Variants in EXOC6B observed in about 807,000 individuals in gnomAD.
EXOC6B encodes SEC15 homolog B.
A neutral mutation model predicts 113.5 loss-of-function variants in EXOC6B; 54 were observed. The ratio of observed to expected loss-of-function variants is 0.48; its 90% confidence interval spans 0.38 to 0.60. The LOEUF (loss-of-function observed/expected upper bound fraction) is 0.60, where lower values mean the gene tolerates loss of function less well. Ranked by LOEUF, EXOC6B falls within the 20% of genes least tolerant of loss-of-function variation. The pLI is 0.00. For missense variants in EXOC6B, 797 were observed against 977.5 expected (o/e 0.82, Z 2.46); for synonymous variants, 357 against 339.0 (o/e 1.05, Z -0.58).
At chr2:72,545,145 C>T (rs1702823450) in intron 8 of EXOC6B, among the ~76,000 whole-genome samples, 1 of 151,938 alleles carries the variant, frequency 6.6e-6, no homozygotes, top group African/African-American at 2.4e-5. Flanking sequence ...AAATACTAGG[C>T]TATGGGAAGC....
chr2:72,401,548 T>C (rs1452753997), intron 18 of EXOC6B, among the ~76,000 whole-genome samples: 4 of 15,334 alleles, frequency 2.6e-4, no homozygotes, highest in African/African-American at 1.4e-3. Flanking sequence ...TATATATGTG[T>C]ATATATATAT....
chr2:72,718,850 A>G (rs1168933852), intron 5 of EXOC6B, among the ~76,000 whole-genome samples: 1 of 152,230 alleles, frequency 6.6e-6, no homozygotes, highest in Non-Finnish European at 1.5e-5. Flanking sequence ...AATCTTAAAA[A>G]AAGAGAAATA....
intron 18 of EXOC6B, among the ~76,000 whole-genome samples, chr2:72,403,545 A>C (rs1693490558): frequency 6.6e-6 from 1 of 152,038 alleles, no homozygotes. Flanking sequence ...TAAAAAATAA[A>C]AAATAACCCA....
intron 1 of EXOC6B, among the ~76,000 whole-genome samples, chr2:72,782,452 C>T (rs573317001): frequency 6.6e-6 from 1 of 152,006 alleles, no homozygotes; most frequent in Non-Finnish European, 1.5e-5. Flanking sequence ...TTTTGTTACA[C>T]GTATAGACTG....
At chr2:72,409,184 T>A (rs1693994303) in intron 18 of EXOC6B, among the ~76,000 whole-genome samples, 2 of 152,156 alleles carry the variant, frequency 1.3e-5, no homozygotes, top group Non-Finnish European at 2.9e-5. Flanking sequence ...CTCACACCAG[T>A]TAGAATGGCG....
intron 18 of EXOC6B, among the ~76,000 whole-genome samples, chr2:72,430,271 T>C (rs1233882878): frequency 2.6e-5 from 4 of 152,212 alleles, no homozygotes; most frequent in East Asian, 1.9e-4. Context: ...ATGGAATAGA[T>C]GGTTCTCCCT....
chr2:72,220,079 T>C (rs115696739), intron 20 of EXOC6B, among the ~76,000 whole-genome samples: 116 of 152,260 alleles, frequency 7.6e-4, no homozygotes, highest in African/African-American at 2.7e-3. Context: ...CAATAAACAA[T>C]TGTAAAGGGA....
At chr2:72,576,383 A>C (rs1334839506) in intron 6 of EXOC6B, among the ~76,000 whole-genome samples, 1 of 152,116 alleles carries the variant, frequency 6.6e-6, no homozygotes, top group Non-Finnish European at 1.5e-5. Flanking sequence ...TGGTTTCAAT[A>C]GATACAGAGA....
intron 1 of EXOC6B, among the ~76,000 whole-genome samples, chr2:72,778,782 T>C (rs1218160153): frequency 6.6e-6 from 1 of 152,114 alleles, no homozygotes; most frequent in Non-Finnish European, 1.5e-5. Context: ...CAAGTAAAGT[T>C]TTTCCCAAAA....
chr2:72,358,262 G>A (rs1427184964), intron 19 of EXOC6B, among the ~76,000 whole-genome samples: 4 of 151,818 alleles, frequency 2.6e-5, no homozygotes, highest in South Asian at 2.1e-4. Context: ...AGCTATCCAC[G>A]TGCTCCCCCT....
rs753350378 is a variant in EXOC6B at position 72,492,411 on chromosome 2, G to A, written c.1572C>T (p.Asp524=). The change falls in exon 16 of 22, where the codon GAC becomes GAT. Residue 524 remains aspartate, a synonymous_variant. Transcript: ENST00000272427. Reference sequence around the variant, plus strand: ...ACAGGTTTGTTGATTTCCGAATCATGTCATCAACTTCAGTTGAGCTGAAAA... The same window carrying A: ...ACAGGTTTGTTGATTTCCGAATCATATCATCAACTTCAGTTGAGCTGAAAA... The part of the protein sequence containing the change: ...DLHLSSTEVD[D]MIRKSTNLLL... The A allele has an allele frequency of 6.2e-7, 1 of 1,612,070 alleles. No individual in the cohort carries two copies. Among genetic ancestry groups the A allele is most frequent in the South Asian group, 1.1e-5 (1 of 91,002 alleles).
In EXOC6B at chr2:72,179,490, A is replaced by T. The variant is rs376847083; in HGVS notation, c.2310-29T>A. ...AACAGAGAAGGAAAGAAAGAGGGCAACATGTTTGAGGAAACAATGGTGGAA... is the reference window on the plus strand; with the variant it reads ...AACAGAGAAGGAAAGAAAGAGGGCATCATGTTTGAGGAAACAATGGTGGAA... On this transcript the variant is annotated intron_variant, in intron 21 of 21. Transcript: ENST00000272427. 149 of 1,613,424 alleles carry T rather than the reference A, an allele frequency of 9.2e-5. 1 individual carries two copies. The East Asian group carries it at 2.0e-3, about 22-fold the overall frequency.
chr2:72,266,545 G>A (rs1190998377), intron 20 of EXOC6B, among the ~76,000 whole-genome samples: 2 of 151,808 alleles, frequency 1.3e-5, no homozygotes, highest in African/African-American at 4.8e-5. Flanking sequence ...TCTCAGGTTT[G>A]TCAAAGATCA....
At chr2:72,434,774 T>C (rs1052820332) in intron 18 of EXOC6B, among the ~76,000 whole-genome samples, 3 of 152,096 alleles carry the variant, frequency 2.0e-5, no homozygotes, top group Non-Finnish European at 4.4e-5. Flanking sequence ...TTTTTTATTG[T>C]GTCTATTTGA....
chr2:72,423,299 C>G (rs1449449744), intron 18 of EXOC6B, among the ~76,000 whole-genome samples: 1 of 151,970 alleles, frequency 6.6e-6, no homozygotes, highest in South Asian at 2.1e-4. Flanking sequence ...AGACTCCAGA[C>G]GCGCCACCTT....
chr2:72,741,473 T>TAA lies in EXOC6B; in HGVS notation c.114-6_114-5dup. On this transcript the variant is annotated splice_region_variant and splice_polypyrimidine_tract_variant and intron_variant, in intron 1 of 21. Transcript: ENST00000272427. ...TTCTTCACCATCATAAACAGACCTT[T>TAA]AAAAAAAAATGGCACGAAGATTATA... 1.3e-6 allele frequency: 2 copies of TAA among 1,558,606 alleles called. No individual in the cohort carries two copies. The highest frequency in any genetic ancestry group is 1.4e-5 in the African/African-American group (1 of 71,910).
chr2:72,772,184 G>A (rs1683440305), intron 1 of EXOC6B, among the ~76,000 whole-genome samples: 4 of 152,142 alleles, frequency 2.6e-5, no homozygotes, highest in Non-Finnish European at 4.4e-5. Flanking sequence ...AATGATATGA[G>A]CACCCTACTT....
intron 6 of EXOC6B, among the ~76,000 whole-genome samples, chr2:72,717,775 TAGA>T (rs1464687889): frequency 6.6e-6 from 1 of 152,168 alleles, no homozygotes; most frequent in Non-Finnish European, 1.5e-5. Context: ...GGTCATTAAC[TAGA>T]AGGAGAACTT....
At chr2:72,314,506 T>C (rs1442596913) in intron 20 of EXOC6B, among the ~76,000 whole-genome samples, 4 of 152,174 alleles carry the variant, frequency 2.6e-5, no homozygotes, top group Non-Finnish European at 5.9e-5. Flanking sequence ...TGGCTCATAG[T>C]TTTTCTCTCC....
Sources: allele counts gnomAD v4.1 joint callset (sites outside exome capture counted in the v4.1 genomes callset), GRCh38; gene constraint gnomAD v4.1.1; transcripts MANE v1.5; gene names NCBI Gene and HGNC (gene_info 2026-07-23, HGNC 2026-07-21).